SLC25A37: variants seen among roughly 807,000 people sequenced by gnomAD.
The protein encoded by SLC25A37 is solute carrier family 25 member 37.
Under a neutral mutation model 31.0 loss-of-function variants are expected in SLC25A37, and 17 were observed. That is an observed-to-expected ratio of 0.55 (90% CI 0.38 to 0.82). The LOEUF is 0.82. SLC25A37 is among the 40% of genes least tolerant of loss of function. The probability of loss-of-function intolerance (pLI) is 0.00; values close to 1 mark genes in which losing one functional copy is unlikely to be tolerated. For synonymous variants in SLC25A37, 222 were observed against 193.0 expected (o/e 1.15, Z -1.24); for missense variants, 404 against 465.8 (o/e 0.87, Z 1.22).
intron 1 of SLC25A37, among the ~76,000 whole-genome samples, chr8:23,530,347 C>A (rs1156365856): frequency 1.3e-5 from 2 of 152,242 alleles, no homozygotes; most frequent in Non-Finnish European, 2.9e-5. Flanking sequence ...CCCACAGAGG[C>A]ACCCCCAGCA....
intron 1 of SLC25A37, among the ~76,000 whole-genome samples, chr8:23,547,867 A>G (rs2280858): frequency 0.36 from 54,338 of 152,162 alleles, 10,868 homozygotes; most frequent in East Asian, 0.62. Context: ...GAATCAAGGG[A>G]AGAAGTGTGG....
chr8:23,559,747 A>G (rs933848386), intron 1 of SLC25A37, among the ~76,000 whole-genome samples: 2 of 152,152 alleles, frequency 1.3e-5, no homozygotes, highest in Admixed American at 6.5e-5. Flanking sequence ...GGAATCATAC[A>G]GTATTTGTCT....
intron 3 of SLC25A37, 58 bp downstream of exon 3, chr8:23,568,436 A>G: frequency 1.2e-6 from 2 of 1,603,966 alleles, no homozygotes; most frequent in East Asian, 2.2e-5. Context: ...GGCACAAAAA[A>G]TGGTTGTGGG....
intron 1 of SLC25A37, among the ~76,000 whole-genome samples, chr8:23,546,129 C>T (rs989137833): frequency 2.1e-5 from 3 of 142,056 alleles, no homozygotes; most frequent in Non-Finnish European, 4.5e-5. Flanking sequence ...GAGCAAGACT[C>T]TGTCTCAAGA....
At chr8:23,563,213 G>T (rs1282865690) in intron 1 of SLC25A37, among the ~76,000 whole-genome samples, 2 of 152,146 alleles carry the variant, frequency 1.3e-5, no homozygotes, top group East Asian at 1.9e-4. Context: ...TTAAGACAGG[G>T]TTTTGTTCTG....
Position 23,532,649 on chromosome 8 carries a change from G to T in SLC25A37, c.210+3437G>T, listed in dbSNP as rs577919244. Among the ~76,000 whole-genome samples, 4 of 152,338 alleles carry T rather than the reference G, an allele frequency of 2.6e-5. No individual in the cohort carries two copies. In the East Asian group the frequency reaches 7.7e-4, roughly 29 times the overall value. On this transcript the variant is annotated intron_variant, in intron 1 of 3. Coordinates refer to ENST00000519973, the MANE Select transcript of SLC25A37 (RefSeq NM_016612.4). ...TTCACAACCCTTCTTTTGCTTTGCT[G>T]TTGGGGGAAACCCTGCCTGTGACTC...
intron 1 of SLC25A37, among the ~76,000 whole-genome samples, chr8:23,558,837 T>A (rs954869053): frequency 6.6e-6 from 1 of 152,086 alleles, no homozygotes; most frequent in Non-Finnish European, 1.5e-5. Flanking sequence ...AGAGGAGGAA[T>A]GCTTATTCAT....
intron 1 of SLC25A37, chr8:23,531,760 T>C (rs1190990426): frequency 6.6e-6 from 1 of 152,248 alleles, no homozygotes; most frequent in Non-Finnish European, 1.5e-5. Context: ...CAGTTCTAAG[T>C]GCAAAGTCGG....
At chr8:23,535,986 T>C (rs1801759842) in intron 1 of SLC25A37, among the ~76,000 whole-genome samples, 1 of 152,148 alleles carries the variant, frequency 6.6e-6, no homozygotes, top group Non-Finnish European at 1.5e-5. Context: ...CCATATCAAA[T>C]ACCAAGAGCT....
rs1187828047 is a variant in SLC25A37, at chr8:23,573,862, A to T, written c.*2007A>T. On this transcript the variant is annotated 3_prime_UTR_variant, in exon 4 of 4. Transcript: ENST00000519973. ...AAAACCAGTTGCAGCCTCAACCCAC[A>T]TGGGGATGTAGAAAGCCGTAAAGTC... 1 of 456,670 alleles carries T rather than the reference A, an allele frequency of 2.2e-6. No homozygotes were observed. Among genetic ancestry groups the T allele is most frequent in the Admixed American group, 2.3e-5 (1 of 42,576 alleles). The allele number at this position is 456,670 out of a possible 1,614,324, so 28.3% of individuals were successfully genotyped here.
chr8:23,546,618 G>GTA (rs1420233827), intron 1 of SLC25A37, among the ~76,000 whole-genome samples: 18 of 135,034 alleles, frequency 1.3e-4, no homozygotes, highest in African/African-American at 4.9e-4. Context: ...GTGTGTGTGT[G>GTA]TGTATATATA....
At chr8:23,538,678 C>T (rs1801827523) in intron 1 of SLC25A37, among the ~76,000 whole-genome samples, 2 of 152,164 alleles carry the variant, frequency 1.3e-5, no homozygotes, top group Non-Finnish European at 2.9e-5. Flanking sequence ...CACTGGGCTA[C>T]AAAAATAAGA....
chr8:23,553,007 T>C (rs376368179), intron 1 of SLC25A37, among the ~76,000 whole-genome samples: 3 of 152,358 alleles, frequency 2.0e-5, no homozygotes, highest in African/African-American at 7.2e-5. Context: ...TGGATACTCC[T>C]CTTATCTCCC....
At chr8:23,569,425 A>ACACACACACT (rs915435662) in intron 3 of SLC25A37, among the ~76,000 whole-genome samples, 7 of 146,388 alleles carry the variant, frequency 4.8e-5, no homozygotes, top group East Asian at 2.0e-4. Flanking sequence ...ACACACACAC[A>ACACACACACT]CACTCACTCT....
intron 1 of SLC25A37, among the ~76,000 whole-genome samples, chr8:23,562,175 C>T (rs1802533506): frequency 6.6e-6 from 1 of 152,212 alleles, no homozygotes; most frequent in Non-Finnish European, 1.5e-5. Flanking sequence ...CTGCCATTCT[C>T]CAAAGTGTGG....
rs368606706 is a variant in SLC25A37, at chr8:23,566,181, T to A, written c.284T>A (p.Met95Lys). 2.5e-6 allele frequency: 4 copies of A among 1,606,654 alleles called. No individual in the cohort carries two copies. The highest frequency in any genetic ancestry group is 3.4e-6 in the Non-Finnish European group (4 of 1,177,418). ...ATCTACGGAGCCCTCAAGAAAATCA[T>A]GCGGACCGAAGGCTTCTGGAGGCCC... ...TSIYGALKKI[M>K]RTEGFWRPLR... Residue 95 changes from methionine to lysine, a missense_variant, in exon 2 of 4, where the codon ATG (methionine) becomes AAG (lysine). Around this residue, in one of 3 missense-constraint regions of SLC25A37, gnomAD observed 154 missense variants for 153.6 expected, o/e 1.00. Transcript: ENST00000519973.
At chr8:23,538,325 G>A (rs1408768622) in intron 1 of SLC25A37, among the ~76,000 whole-genome samples, 1 of 134,482 alleles carries the variant, frequency 7.4e-6, no homozygotes, top group African/African-American at 2.8e-5. Flanking sequence ...AGGTTGCAGT[G>A]AGCCGAGATC....
intron 1 of SLC25A37, among the ~76,000 whole-genome samples, chr8:23,559,356 T>TGTGTGTGCGC (rs1485439759): frequency 1.3e-5 from 2 of 151,604 alleles, no homozygotes; most frequent in South Asian, 4.2e-4. Flanking sequence ...TGTGTGTGCG[T>TGTGTGTGCGC]GTGTGTGCGC....
At position 23,551,526 on chromosome 8, in the gene SLC25A37, T is replaced by C. The variant is rs549336047; in HGVS notation, c.211-14582T>C. On this transcript the variant is annotated intron_variant, in intron 1 of 3. Coordinates refer to ENST00000519973, the MANE Select transcript of SLC25A37 (RefSeq NM_016612.4). ...TGCTAGGCAGTGAGTCAGGAAGGAA[T>C]TGGTAAAAATGACGTCATTGCTAAG... 5.3e-5 allele frequency among the ~76,000 whole-genome samples: 8 copies of C among 151,878 alleles called. 1 individual carries two copies. In the South Asian group the frequency reaches 1.7e-3, roughly 32 times the overall value.
Sources: gnomAD v4.1 joint callset for allele counts (sites outside exome capture counted in the v4.1 genomes callset) on GRCh38, gnomAD v4.1.1 for gene constraint, gnomAD v4.1.1 regional missense constraint, MANE v1.5 for transcripts, NCBI Gene and HGNC (gene_info 2026-07-23, HGNC 2026-07-21) for gene names.